Variants in CDH13 observed in about 807,000 individuals in gnomAD.
The protein encoded by CDH13 is cadherin 13.
A neutral mutation model predicts 63.8 loss-of-function variants in CDH13; 24 were observed. That is an observed-to-expected ratio of 0.38 (90% CI 0.27 to 0.53). CDH13 has a LOEUF of 0.53. Among genes scored for constraint, CDH13 ranks in the 20% least tolerant of loss-of-function variants. The pLI, the probability that CDH13 is intolerant of heterozygous loss-of-function variation, is 0.85. For synonymous variants in CDH13, 503 were observed against 355.3 expected (o/e 1.42, Z -4.67); for missense variants, 1,049 against 903.1 (o/e 1.16, Z -2.07).
intron 7 of CDH13, among the ~76,000 whole-genome samples, chr16:83,528,975 G>C (rs528266327): frequency 2.0e-5 from 3 of 152,120 alleles, no homozygotes; most frequent in Admixed American, 6.5e-5. Flanking sequence ...TATATAAATT[G>C]CTTGGTCCAC....
chr16:82,866,210 C>T (rs1441165606), intron 2 of CDH13, among the ~76,000 whole-genome samples: 3 of 152,042 alleles, frequency 2.0e-5, no homozygotes, highest in Non-Finnish European at 4.4e-5. Context: ...AAGTTCCAAA[C>T]TTTCCCACAT....
At chr16:82,745,625 A>G (rs1247628482) in intron 1 of CDH13, among the ~76,000 whole-genome samples, 3 of 152,082 alleles carry the variant, frequency 2.0e-5, no homozygotes, top group South Asian at 2.1e-4. Flanking sequence ...TTACTGTACC[A>G]TATGTATGTG....
At chr16:83,054,314 C>T (rs1032550058) in intron 3 of CDH13, among the ~76,000 whole-genome samples, 1 of 152,112 alleles carries the variant, frequency 6.6e-6, no homozygotes, top group Non-Finnish European at 1.5e-5. Flanking sequence ...AGATTAAAAA[C>T]AATAACGAAT....
chr16:83,011,981 C>A (rs1426367992), intron 2 of CDH13, among the ~76,000 whole-genome samples: 3 of 151,954 alleles, frequency 2.0e-5, no homozygotes, highest in Non-Finnish European at 2.9e-5. Context: ...TATTTCTCAC[C>A]CACTCTTTTT....
intron 13 of CDH13, among the ~76,000 whole-genome samples, chr16:83,793,836 C>G (rs1231220982): frequency 2.0e-5 from 3 of 150,832 alleles, no homozygotes; most frequent in Non-Finnish European, 4.4e-5. Context: ...AAAAATTTCT[C>G]AGATGTGACT....
intron 8 of CDH13, among the ~76,000 whole-genome samples, chr16:83,614,057 T>C (rs1056017660): frequency 6.6e-6 from 1 of 152,168 alleles, no homozygotes; most frequent in African/African-American, 2.4e-5. Context: ...TCCTGGTTTT[T>C]GGTCATTGGT....
intron 3 of CDH13, among the ~76,000 whole-genome samples, chr16:83,069,215 T>C (rs909262102): frequency 7.9e-5 from 12 of 152,360 alleles, no homozygotes; most frequent in Non-Finnish European, 1.3e-4. Context: ...GTGGTCTCAA[T>C]GTCATTCAGA....
intron 7 of CDH13, among the ~76,000 whole-genome samples, chr16:83,582,320 G>C (rs1905692838): frequency 6.6e-6 from 1 of 151,910 alleles, no homozygotes; most frequent in South Asian, 2.1e-4. Context: ...CAATTTAAAG[G>C]AATGAAAAAA....
At chr16:83,441,720 C>T (rs142851157) in intron 6 of CDH13, among the ~76,000 whole-genome samples, 20 of 152,064 alleles carry the variant, frequency 1.3e-4, no homozygotes, top group Non-Finnish European at 2.5e-4. Context: ...TTTCCCTGAA[C>T]CCGGATAGAA....
chr16:82,825,357 C>T (rs542119848), intron 1 of CDH13: 4 of 152,136 alleles, frequency 2.6e-5, no homozygotes, highest in Admixed American at 6.6e-5. Context: ...CAGGAGTCTG[C>T]TTTGTATTGT....
Position 83,773,851 on chromosome 16 carries a change from G to A in CDH13, c.1682-6117G>A, listed in dbSNP as rs543219009. Among the ~76,000 whole-genome samples the A allele has an allele frequency of 1.5e-3, 234 of 152,256 alleles. 2 individuals are homozygous for A. Among genetic ancestry groups the A allele is most frequent in the African/African-American group, 5.2e-3 (218 of 41,544 alleles). On this transcript the variant is annotated intron_variant, in intron 11 of 13. Coordinates refer to ENST00000567109, the MANE Select transcript of CDH13 (RefSeq NM_001257.5). ...TCCAACACTGTTCCCCAGTCATGAG[G>A]CTCTAAACCACTACCCCACAGAGGC...
intron 2 of CDH13, among the ~76,000 whole-genome samples, chr16:82,898,382 G>A (rs369657996): frequency 1.1e-4 from 17 of 152,098 alleles, no homozygotes; most frequent in African/African-American, 3.1e-4. Context: ...AAAGTTAGCC[G>A]GGCATGCTGG....
At chr16:82,823,724 T>C (rs2038113318) in intron 1 of CDH13, 2 of 152,172 alleles carry the variant, frequency 1.3e-5, no homozygotes, top group African/African-American at 4.8e-5. Context: ...ATTGTGTGTA[T>C]TGAAAGATAA....
rs1243880975 is a variant in CDH13 at position 83,014,844 on chromosome 16, A to G, written c.158-17166A>G. On this transcript the variant is annotated intron_variant, in intron 2 of 13. Coordinates refer to ENST00000567109, the MANE Select transcript of CDH13 (RefSeq NM_001257.5). The stretch of plus-strand genomic sequence containing the variant: ...TATATATATTTGTATATATATTTGT[A>G]TATATATATTTGTATATATATATGT... Among the ~76,000 whole-genome samples, 18 of 54,380 alleles carry G rather than the reference A, an allele frequency of 3.3e-4. No individual in the cohort carries two copies. In the East Asian group the frequency reaches 6.5e-3, roughly 20 times the overall value. The allele number at this position is 54,380 out of a possible 152,430, so 35.7% of individuals were successfully genotyped here.
chr16:83,114,680 C>A (rs1353931143), intron 3 of CDH13, among the ~76,000 whole-genome samples: 1 of 152,160 alleles, frequency 6.6e-6, no homozygotes, highest in East Asian at 1.9e-4. Flanking sequence ...ATTTAGGGAG[C>A]TTGTATCTTG....
intron 3 of CDH13, among the ~76,000 whole-genome samples, chr16:83,075,665 G>T (rs59132467): frequency 0.062 from 9,374 of 152,184 alleles, 446 homozygotes; most frequent in African/African-American, 0.13. Context: ...AGGCGGTCCC[G>T]GCAAAGTAAT....
intron 7 of CDH13, among the ~76,000 whole-genome samples, chr16:83,517,474 G>C (rs2074724685): frequency 6.6e-6 from 1 of 152,180 alleles, no homozygotes; most frequent in Non-Finnish European, 1.5e-5. Flanking sequence ...GCAGCATGTG[G>C]AGCACTGGCC....
At chr16:83,476,775 A>G (rs762156649) in intron 6 of CDH13, among the ~76,000 whole-genome samples, 52 of 152,210 alleles carry the variant, frequency 3.4e-4, no homozygotes, top group Non-Finnish European at 6.3e-4. Flanking sequence ...GAGAGTTACA[A>G]TTACTTCAGG....
chr16:82,647,356 G>C (rs1035019191), intron 1 of CDH13, among the ~76,000 whole-genome samples: 29 of 152,222 alleles, frequency 1.9e-4, no homozygotes, highest in African/African-American at 5.5e-4. Flanking sequence ...CACAGTCTCA[G>C]TTTGAGTTTC....
Sources: gnomAD v4.1 joint callset for allele counts (sites outside exome capture counted in the v4.1 genomes callset) on GRCh38, gnomAD v4.1.1 for gene constraint, MANE v1.5 for transcripts, NCBI Gene and HGNC (gene_info 2026-07-23, HGNC 2026-07-21) for gene names.